Variants in MYO10 observed in about 807,000 individuals in gnomAD.
MYO10 encodes the protein myosin X.
MYO10 carries 133 observed loss-of-function variants against 257.3 expected under a neutral mutation model. The ratio of observed to expected loss-of-function variants is 0.52; its 90% CI spans 0.45 to 0.60. The LOEUF is 0.60. Ranked by LOEUF, MYO10 falls within the 20% of genes least tolerant of loss-of-function variation. The pLI, the probability that MYO10 is intolerant of heterozygous loss-of-function variation, is 0.00. For synonymous variants in MYO10, 1,104 were observed against 1,028.6 expected (o/e 1.07, Z -1.40); for missense variants, 2,399 against 2,635.7 (o/e 0.91, Z 1.97).
chr5:16,886,735 C>T (rs1339408530), intron 1 of MYO10, among the ~76,000 whole-genome samples: 4 of 151,912 alleles, frequency 2.6e-5, no homozygotes, highest in Non-Finnish European at 4.4e-5. Flanking sequence ...AGTTTGACAC[C>T]ATCCTGGTCA....
chr5:16,681,965 G>C lies in MYO10; in HGVS notation c.4095C>G (p.Asn1365Lys). The change falls in exon 31 of 41, where the codon AAC becomes AAG. Residue 1365 changes from asparagine (N) to lysine (K), a missense_variant. Physicochemically the swap from Asn to Lys is moderately conservative, Grantham distance 94 (BLOSUM62 0). Coordinates refer to ENST00000513610, the MANE Select transcript of MYO10 (RefSeq NM_012334.3). Reference sequence around the variant, plus strand: ...GGTGCATCTCCTCCGGCGTGTCGGCGTTGCAGTGCAGCACCCGGTTGGCCG... The same window carrying C: ...GGTGCATCTCCTCCGGCGTGTCGGCCTTGCAGTGCAGCACCCGGTTGGCCG... The part of the protein sequence containing the change: ...IITANRVLHC[N>K]ADTPEEMHHW... The C allele has an allele frequency of 6.2e-7, 1 of 1,613,856 alleles. No individual in the cohort carries two copies. Among genetic ancestry groups the C allele is most frequent in the Non-Finnish European group, 8.5e-7 (1 of 1,179,882 alleles).
intron 28 of MYO10, among the ~76,000 whole-genome samples, chr5:16,686,404 G>T (rs1488613872): frequency 6.6e-6 from 1 of 152,056 alleles, no homozygotes; most frequent in African/African-American, 2.4e-5. Flanking sequence ...TTCAGATTAG[G>T]GATGCTTAAC....
At chr5:16,741,212 C>T (rs987125775) in intron 19 of MYO10, among the ~76,000 whole-genome samples, 3 of 152,144 alleles carry the variant, frequency 2.0e-5, no homozygotes, top group Non-Finnish European at 4.4e-5. Flanking sequence ...CAGAATATGC[C>T]TCATCAGGTT....
chr5:16,707,029 G>A (rs145609845), intron 21 of MYO10, among the ~76,000 whole-genome samples: 53 of 152,292 alleles, frequency 3.5e-4, no homozygotes, highest in African/African-American at 1.2e-3. Flanking sequence ...GATCATGGGC[G>A]CAGGTCTTTC....
At chr5:16,780,484 G>T (rs374543673) in intron 8 of MYO10, 40 bp downstream of exon 8, 10 of 1,472,668 alleles carry the variant, frequency 6.8e-6, no homozygotes, top group Non-Finnish European at 9.3e-6. Context: ...AATGGAAAAT[G>T]AGTTGCTAGT....
intron 2 of MYO10, among the ~76,000 whole-genome samples, chr5:16,854,378 GA>G (rs1743899697): frequency 6.6e-6 from 1 of 152,186 alleles, no homozygotes; most frequent in Non-Finnish European, 1.5e-5. Context: ...AAAAAAGAGT[GA>G]AGTGCTGGTA....
chr5:16,926,698 T>A (rs1225432415), intron 1 of MYO10, among the ~76,000 whole-genome samples: 3 of 120,618 alleles, frequency 2.5e-5, no homozygotes, highest in Admixed American at 2.4e-4. Context: ...GAAGACTCTG[T>A]CCCAGCAAAA....
intron 2 of MYO10, among the ~76,000 whole-genome samples, chr5:16,876,192 T>A (rs187847024): frequency 6.6e-6 from 1 of 152,362 alleles, no homozygotes; most frequent in Non-Finnish European, 1.5e-5. Flanking sequence ...TTTATTTCCT[T>A]AAGTCTTAAA....
At position 16,890,246 on chromosome 5, in the gene MYO10, G is replaced by GA. The variant is rs573997594; in HGVS notation, c.22-12540dup. ...AAAATGACACATAATGTGTTGGCAA[G>GA]AATGTGGAGAAACTAGAACCCTCGT... On this transcript the variant is annotated intron_variant, in intron 1 of 40. Coordinates refer to ENST00000513610, the MANE Select transcript of MYO10 (RefSeq NM_012334.3). 1.5e-3 allele frequency among the ~76,000 whole-genome samples: 226 copies of GA among 151,944 alleles called. 8 individuals are homozygous for GA. The highest frequency in any genetic ancestry group is 5.2e-3 in the African/African-American group (215 of 41,204).
At chr5:16,718,768 T>C (rs560769676) in intron 19 of MYO10, among the ~76,000 whole-genome samples, 1 of 152,094 alleles carries the variant, frequency 6.6e-6, no homozygotes, top group African/African-American at 2.4e-5. Flanking sequence ...GCACCCTGTG[T>C]TTAGCTCAAG....
At chr5:16,731,599 T>C (rs1250364930) in intron 19 of MYO10, among the ~76,000 whole-genome samples, 1 of 152,118 alleles carries the variant, frequency 6.6e-6, no homozygotes, top group Non-Finnish European at 1.5e-5. Context: ...TTCGCCCACC[T>C]TGGCCTCCCA....
intron 3 of MYO10, among the ~76,000 whole-genome samples, chr5:16,809,020 C>T (rs1216408367): frequency 6.6e-6 from 1 of 151,634 alleles, no homozygotes; most frequent in East Asian, 1.9e-4. Flanking sequence ...AAAAAAATCA[C>T]AAAAAAACAA....
Position 16,672,754 on chromosome 5 carries a change from G to C in MYO10, c.5244C>G (p.Asn1748Lys). Reference protein sequence around the residue: ...SRNMFALFEYNGHVDKAIESR... With the variant: ...SRNMFALFEYKGHVDKAIESR... ...TTTCAATGGCTTTGTCGACGTGGCC[G>C]TTGTATTCAAACAAAGCAAACATGT... The change falls in exon 37 of 41, where the codon AAC becomes AAG. Residue 1748 changes from asparagine to lysine, a missense_variant. This residue lies in a region of MYO10 where 1,820 missense variants were observed against 1,939.4 expected (regional missense o/e 0.94). Coordinates refer to ENST00000513610, the MANE Select transcript of MYO10 (RefSeq NM_012334.3). The C allele has an allele frequency of 6.2e-7, 1 of 1,613,958 alleles. No individual in the cohort carries two copies. The highest frequency in any genetic ancestry group is 8.5e-7 in the Non-Finnish European group (1 of 1,179,868).
At chr5:16,761,673 C>T in intron 16 of MYO10, 127 bp from the exon 17 acceptor site, 2 of 740,280 alleles carry the variant, frequency 2.7e-6, no homozygotes, top group South Asian at 3.6e-5. Context: ...TTTTAAGAGA[C>T]AGGGTCTTGC....
intron 19 of MYO10, among the ~76,000 whole-genome samples, chr5:16,716,352 A>G (rs1015284070): frequency 1.3e-5 from 2 of 151,998 alleles, no homozygotes; most frequent in Non-Finnish European, 2.9e-5. Flanking sequence ...TTATTTAGAT[A>G]AAGGACAACA....
At chr5:16,731,414 G>C (rs1739578177) in intron 19 of MYO10, among the ~76,000 whole-genome samples, 1 of 151,664 alleles carries the variant, frequency 6.6e-6, no homozygotes, top group Non-Finnish European at 1.5e-5. Context: ...TGAGATCTCG[G>C]CTCACTGCAA....
chr5:16,792,184 G>C (rs201726952), intron 4 of MYO10, among the ~76,000 whole-genome samples: 264 of 110,748 alleles, frequency 2.4e-3, no homozygotes, highest in African/African-American at 0.011. Context: ...GAGACAGACA[G>C]AGACAGAGAC....
At chr5:16,869,190 A>AT (rs1384073996) in intron 2 of MYO10, among the ~76,000 whole-genome samples, 13 of 110,200 alleles carry the variant, frequency 1.2e-4, no homozygotes, top group Non-Finnish European at 2.1e-4. Context: ...ACACCCGGCT[A>AT]ATTTTTTTTT....
intron 2 of MYO10, among the ~76,000 whole-genome samples, chr5:16,826,419 CAAG>C (rs1484225103): frequency 6.6e-6 from 1 of 152,098 alleles, no homozygotes; most frequent in Admixed American, 6.6e-5. Context: ...TGGCATACAA[CAAG>C]AACACAATAA....
Sources: allele counts gnomAD v4.1 joint callset (sites outside exome capture counted in the v4.1 genomes callset), GRCh38; gene constraint gnomAD v4.1.1; regional missense constraint gnomAD v4.1.1; transcripts MANE v1.5; gene names NCBI Gene and HGNC (gene_info 2026-07-23, HGNC 2026-07-21).